PTGR2: variants seen among roughly 807,000 people sequenced by gnomAD.
PTGR2 encodes the protein prostaglandin reductase 2.
PTGR2 carries 32 observed loss-of-function variants against 43.4 expected under a neutral mutation model. The ratio of observed to expected loss-of-function variants is 0.74; its 90% confidence interval spans 0.56 to 0.99. The LOEUF (loss-of-function observed/expected upper bound fraction) is 0.99, where lower values mean the gene tolerates loss of function less well. Among genes scored for constraint, PTGR2 ranks in the 50% least tolerant of loss-of-function variants. The pLI is 0.00. For synonymous variants in PTGR2, 106 were observed against 139.2 expected (o/e 0.76, Z 1.68); for missense variants, 373 against 420.0 (o/e 0.89, Z 0.98).
At chr14:73,883,122 AG>A (rs1364076273) in intron 9 of PTGR2, among the ~76,000 whole-genome samples, 1 of 141,142 alleles carries the variant, frequency 7.1e-6, no homozygotes, top group East Asian at 2.2e-4. Context: ...CACAGGCCAA[AG>A]TCTTTTATCT....
chr14:73,884,272 TTGATTTAAATG>T lies in PTGR2; in HGVS notation c.*100_*110del. 1.4e-6 allele frequency: 1 copy of T among 738,048 alleles called. No homozygotes were observed. Among genetic ancestry groups the T allele is most frequent in the South Asian group, 1.7e-5 (1 of 60,354 alleles). The allele number at this position is 738,048 out of a possible 1,614,324, so 45.7% of individuals were successfully genotyped here. On this transcript the variant is annotated 3_prime_UTR_variant, in exon 10 of 10. Transcript: ENST00000555661. ...AAAATCCTTAGACTATACATAGCTCTTGATTTAAATGTGATCATAGGTGTTATTTTTAGTTG... is the reference window on the plus strand; with the variant it reads ...AAAATCCTTAGACTATACATAGCTCTTGATCATAGGTGTTATTTTTAGTTG...
At chr14:73,873,885 A>G in intron 3 of PTGR2, 138 bp from the exon 4 acceptor site, 1 of 582,064 alleles carries the variant, frequency 1.7e-6, no homozygotes, top group East Asian at 3.1e-5. Context: ...CTTATGTTTA[A>G]GTCTTGAATG....
intron 1 of PTGR2, among the ~76,000 whole-genome samples, chr14:73,852,618 G>A (rs1319956179): frequency 6.6e-6 from 1 of 152,154 alleles, no homozygotes; most frequent in Admixed American, 6.6e-5. Flanking sequence ...TGGGCAGTTA[G>A]TTTGAAATTC....
At chr14:73,878,713 G>T in intron 5 of PTGR2, 1 of 389,882 alleles carries the variant, frequency 2.6e-6, no homozygotes, top group Non-Finnish European at 4.8e-6. Context: ...GTACTGTGTT[G>T]CCAGATGATT....
intron 1 of PTGR2, among the ~76,000 whole-genome samples, chr14:73,855,829 G>A (rs1214422970): frequency 3.3e-5 from 5 of 150,828 alleles, no homozygotes; most frequent in African/African-American, 1.2e-4. Context: ...AGGCCGAGGC[G>A]GGTGGATCAT....
intron 1 of PTGR2, among the ~76,000 whole-genome samples, chr14:73,856,867 T>A (rs1445707185): frequency 1.3e-5 from 2 of 152,260 alleles, no homozygotes; most frequent in African/African-American, 4.8e-5. Flanking sequence ...ACTAAGGGCT[T>A]GATTTTCTAA....
chr14:73,854,957 C>G (rs1462801731), intron 1 of PTGR2, among the ~76,000 whole-genome samples: 1 of 152,174 alleles, frequency 6.6e-6, no homozygotes, highest in African/African-American at 2.4e-5. Context: ...ACATTTCCTT[C>G]TTTCTTTAAA....
In PTGR2 at chr14:73,884,402, G is replaced by T. The variant is rs1324434983; in HGVS notation, c.*225G>T. 5 of 356,088 alleles carry T rather than the reference G, an allele frequency of 1.4e-5. No individual in the cohort carries two copies. Among genetic ancestry groups the T allele is most frequent in the Non-Finnish European group, 2.5e-5 (5 of 202,760 alleles). 22.1% of individuals were successfully genotyped at this position (356,088 alleles called of 1,614,324 possible). A position where few individuals can be genotyped will look rare whatever the true frequency, so the allele number is the denominator to read the frequency against. ...TAATTACTTTTATTAATTTAAAATA[G>T]AACGCTTGAGAGGCACTTTGTAAAG... On this transcript the variant is annotated 3_prime_UTR_variant, in exon 10 of 10. Transcript: ENST00000555661.
intron 7 of PTGR2, 113 bp downstream of exon 7, chr14:73,880,289 TA>T: frequency 7.5e-7 from 1 of 1,337,342 alleles, no homozygotes; most frequent in African/African-American, 1.4e-5. Context: ...AATAAAACTT[TA>T]GGTCGGGCAT....
At chr14:73,870,707 T>C (rs923897941) in intron 3 of PTGR2, among the ~76,000 whole-genome samples, 18 of 151,970 alleles carry the variant, frequency 1.2e-4, no homozygotes, top group Non-Finnish European at 1.6e-4. Flanking sequence ...GCCAGTCTGG[T>C]CTCAAAGTCC....
At chr14:73,877,259 A>G in intron 5 of PTGR2, 91 bp downstream of exon 5, 2 of 1,182,244 alleles carry the variant, frequency 1.7e-6, no homozygotes, top group South Asian at 1.7e-5. Flanking sequence ...TACCATTAAA[A>G]ATATAAAATT....
At chr14:73,884,074 C>T in intron 9 of PTGR2, 27 bp from the exon 10 acceptor site, 10 of 1,418,008 alleles carry the variant, frequency 7.1e-6, no homozygotes, top group Non-Finnish European at 9.9e-6. Context: ...TTTATCTTTT[C>T]AGATAACCTA....
chr14:73,882,947 A>G (rs2055029982), intron 9 of PTGR2, among the ~76,000 whole-genome samples: 1 of 148,924 alleles, frequency 6.7e-6, no homozygotes, highest in Non-Finnish European at 1.5e-5. Flanking sequence ...CAGTCTACCA[A>G]GTAGCTGGGA....
chr14:73,877,351 G>T (rs1250455815), intron 5 of PTGR2, 183 bp downstream of exon 5: 5 of 483,658 alleles, frequency 1.0e-5, no homozygotes, highest in Non-Finnish European at 1.1e-5. Context: ...TGCAACCTCC[G>T]CCTCCTGGGT....
At chr14:73,860,483 A>G (rs1434789638) in intron 2 of PTGR2, 56 bp from the exon 3 acceptor site, 9 of 794,172 alleles carry the variant, frequency 1.1e-5, no homozygotes, top group African/African-American at 1.8e-5. Context: ...TAATAATAAT[A>G]ATAGTATATA....
chr14:73,858,770 G>T, intron 1 of PTGR2, 46 bp from the exon 2 acceptor site: 1 of 896,338 alleles, frequency 1.1e-6, no homozygotes, highest in Admixed American at 2.6e-5. Flanking sequence ...TTTTTAAATT[G>T]TTGAATACTT....
rs1004236185 is a variant in PTGR2 at position 73,857,437 on chromosome 14, AC to A, written c.-47-1376del. On this transcript the variant is annotated intron_variant, in intron 1 of 9. Coordinates refer to ENST00000555661, the MANE Select transcript of PTGR2 (RefSeq NM_001146154.2). ...AGACCCGCCTGGCCAACATGGTGAA[AC>A]CCTGTCTCTACTAAAAATACAAAAA... is the stretch of plus-strand genomic sequence containing the variant. Among the ~76,000 whole-genome samples, 53 of 151,676 alleles carry A rather than the reference AC, an allele frequency of 3.5e-4. 1 individual carries two copies. The highest frequency in any genetic ancestry group is 1.3e-3 in the African/African-American group (52 of 41,236).
intron 2 of PTGR2, 25 bp downstream of exon 2, chr14:73,858,924 A>C: frequency 6.3e-7 from 1 of 1,585,706 alleles, no homozygotes; most frequent in Non-Finnish European, 8.6e-7. Context: ...TGAATGAACA[A>C]CTCTGATCTT....
At chr14:73,868,391 T>C (rs761466939) in intron 3 of PTGR2, among the ~76,000 whole-genome samples, 7 of 152,206 alleles carry the variant, frequency 4.6e-5, no homozygotes, top group Non-Finnish European at 1.0e-4. Flanking sequence ...GTCTGTCTTT[T>C]GTAACACATC....
Sources: gnomAD v4.1 joint callset for allele counts (sites outside exome capture counted in the v4.1 genomes callset) on GRCh38, gnomAD v4.1.1 for gene constraint, MANE v1.5 for transcripts, NCBI Gene and HGNC (gene_info 2026-07-23, HGNC 2026-07-21) for gene names.